Variants in COL28A1 observed in about 807,000 individuals in gnomAD.
COL28A1 encodes the protein collagen type XXVIII alpha 1 chain.
Under a neutral mutation model 150.2 loss-of-function variants are expected in COL28A1, and 161 were observed. The ratio of observed to expected loss-of-function variants is 1.07; its 90% CI spans 0.94 to 1.22. The LOEUF is 1.22. COL28A1 is among the 50% of genes most tolerant of loss of function. The probability of loss-of-function intolerance (pLI) is 0.00; values close to 1 mark genes in which losing one functional copy is unlikely to be tolerated. For missense variants in COL28A1, 1,617 were observed against 1,388.3 expected, an observed-to-expected ratio of 1.16 and a Z score of -2.62; for synonymous variants, 552 against 469.7, an observed-to-expected ratio of 1.18 and a Z score of -2.26.
intron 9 of COL28A1, among the ~76,000 whole-genome samples, chr7:7,510,296 T>C (rs925215425): frequency 1.3e-5 from 2 of 152,114 alleles, no homozygotes; most frequent in Non-Finnish European, 2.9e-5. Context: ...GATTGATTGA[T>C]TGATTTTTGA....
chr7:7,354,359 C>A (rs1185559029), downstream of COL28A1, among the ~76,000 whole-genome samples: 1 of 152,052 alleles, frequency 6.6e-6, no homozygotes, highest in South Asian at 2.1e-4. Context: ...TCAACCCAGA[C>A]CACAGGAGCA....
intron 4 of COL28A1, among the ~76,000 whole-genome samples, chr7:7,523,249 C>T (rs1333490914): frequency 5.3e-5 from 8 of 151,210 alleles, no homozygotes; most frequent in African/African-American, 1.9e-4. Context: ...CCTCTGCCTC[C>T]TGGGTTCAAG....
the COL28A1 span, among the ~76,000 whole-genome samples, chr7:7,345,025 C>G: frequency 6.6e-6 from 1 of 151,800 alleles, no homozygotes; most frequent in Admixed American, 6.6e-5. Context: ...CACACACACC[C>G]CTTTCGCCTG....
At chr7:7,479,987 C>T (rs1195988411) in intron 13 of COL28A1, among the ~76,000 whole-genome samples, 1 of 152,196 alleles carries the variant, frequency 6.6e-6, no homozygotes, top group Non-Finnish European at 1.5e-5. Context: ...TTAGGCTTCA[C>T]TTGCCAGAGA....
chr7:7,397,178 G>C (rs1176236839), intron 27 of COL28A1, among the ~76,000 whole-genome samples: 1 of 152,156 alleles, frequency 6.6e-6, no homozygotes, highest in East Asian at 1.9e-4. Context: ...TCCTCTAGAG[G>C]CTGTAAGAAG....
chr7:7,506,205 T>C (rs1445580410), intron 10 of COL28A1, 138 bp from the exon 11 acceptor site: 3 of 588,262 alleles, frequency 5.1e-6, no homozygotes, highest in East Asian at 5.7e-5. Flanking sequence ...TCACATTCAA[T>C]CGAGAAGTGG....
chr7:7,395,765 G>A (rs1403623157), intron 27 of COL28A1, among the ~76,000 whole-genome samples: 2 of 152,074 alleles, frequency 1.3e-5, no homozygotes, highest in African/African-American at 2.4e-5. Context: ...ACTTTTTCAT[G>A]GCCCCCAAAA....
the COL28A1 span, among the ~76,000 whole-genome samples, chr7:7,339,327 C>G: frequency 6.6e-6 from 1 of 152,112 alleles, no homozygotes; most frequent in African/African-American, 2.4e-5. Flanking sequence ...AGTCTTGCAC[C>G]AGCCCTAACA....
At chr7:7,515,963 T>A (rs1411137892) in intron 7 of COL28A1, 123 bp from the exon 8 acceptor site, 1 of 606,206 alleles carries the variant, frequency 1.6e-6, no homozygotes, top group East Asian at 3.0e-5. Context: ...GAAAATTAGA[T>A]CATAGAAATG....
intron 11 of COL28A1, among the ~76,000 whole-genome samples, chr7:7,498,798 G>GC (rs1162210304): frequency 6.6e-6 from 1 of 152,058 alleles, no homozygotes. Flanking sequence ...CCATTTTAGT[G>GC]CCCCCTTTGA....
chr7:7,524,721 T>C (rs1480893274), intron 3 of COL28A1, among the ~76,000 whole-genome samples: 1 of 152,198 alleles, frequency 6.6e-6, no homozygotes, highest in Non-Finnish European at 1.5e-5. Context: ...CATAACTTCA[T>C]GAAATATTAA....
chr7:7,501,281 A>G (rs1780508915), intron 11 of COL28A1, among the ~76,000 whole-genome samples: 1 of 152,190 alleles, frequency 6.6e-6, no homozygotes, highest in Non-Finnish European at 1.5e-5. Flanking sequence ...TTTTAAGATA[A>G]ATATACAATA....
chr7:7,386,235 C>A (rs1036110775), intron 27 of COL28A1, among the ~76,000 whole-genome samples: 1 of 152,042 alleles, frequency 6.6e-6, no homozygotes, highest in Non-Finnish European at 1.5e-5. Context: ...ATTACTGATA[C>A]GTCAGGAAAC....
At chr7:7,514,109 T>C (rs756335245) in intron 8 of COL28A1, among the ~76,000 whole-genome samples, 3 of 152,190 alleles carry the variant, frequency 2.0e-5, no homozygotes, top group Non-Finnish European at 4.4e-5. Context: ...AATTAATCTT[T>C]TCAAAAAATA....
At chr7:7,496,661 C>T (rs972034505) in intron 11 of COL28A1, among the ~76,000 whole-genome samples, 3 of 152,112 alleles carry the variant, frequency 2.0e-5, no homozygotes, top group African/African-American at 7.2e-5. Context: ...AAAGCAAATC[C>T]TTCATTTCTC....
chr7:7,506,779 A>G (rs1038608056), intron 10 of COL28A1, among the ~76,000 whole-genome samples: 3 of 152,234 alleles, frequency 2.0e-5, no homozygotes, highest in Admixed American at 6.5e-5. Context: ...TTATAGTAGC[A>G]GTGCAAAAAT....
chr7:7,518,046 G>A (rs1486147373), intron 6 of COL28A1, among the ~76,000 whole-genome samples: 1 of 151,266 alleles, frequency 6.6e-6, no homozygotes, highest in Non-Finnish European at 1.5e-5. Flanking sequence ...GAAGCCAGAT[G>A]TGTAGGGTGC....
At position 7,440,863 on chromosome 7, in the gene COL28A1, T is replaced by C; in HGVS notation, c.1651-2A>G. 6.9e-7 allele frequency: 1 copy of C among 1,440,902 alleles called. No homozygotes were observed. Among genetic ancestry groups the C allele is most frequent in the Non-Finnish European group, 9.8e-7 (1 of 1,022,790 alleles). 89.3% of individuals were successfully genotyped at this position (1,440,902 alleles called of 1,614,324 possible). A position where few individuals can be genotyped will look rare whatever the true frequency, so the allele number is the denominator to read the frequency against. ...GCTCCCTTTCTTGCCTTCGTCACCC[T>C]AACAAAATAATTATGAAAATATAGA... On this transcript the variant is annotated splice_acceptor_variant, in intron 20 of 34. Coordinates refer to ENST00000399429, the MANE Select transcript of COL28A1 (RefSeq NM_001037763.3). LOFTEE classifies it high-confidence loss of function.
chr7:7,530,638 C>T (rs1782296157), intron 3 of COL28A1, among the ~76,000 whole-genome samples: 2 of 151,974 alleles, frequency 1.3e-5, no homozygotes, highest in African/African-American at 4.8e-5. Context: ...ATTGTGGTGC[C>T]GTGTGTTTTA....
Sources: gnomAD v4.1 joint callset for allele counts (sites outside exome capture counted in the v4.1 genomes callset) on GRCh38, gnomAD v4.1.1 for gene constraint, MANE v1.5 for transcripts, NCBI Gene and HGNC (gene_info 2026-07-23, HGNC 2026-07-21) for gene names.